THSD4: variants seen among roughly 807,000 people sequenced by gnomAD.
THSD4 encodes thrombospondin type 1 domain containing 4.
A neutral mutation model predicts 119.0 loss-of-function variants in THSD4; 69 were observed. That is an observed-to-expected ratio of 0.58 (90% CI 0.48 to 0.71). The LOEUF (loss-of-function observed/expected upper bound fraction) is 0.71. THSD4 is among the 30% of genes least tolerant of loss of function. The probability of loss-of-function intolerance (pLI) is 0.00; values close to 1 mark genes in which losing one functional copy is unlikely to be tolerated. For missense variants in THSD4, 1,393 were observed against 1,391.1 expected (o/e 1.00, Z -0.02); for synonymous variants, 524 against 540.4 (o/e 0.97, Z 0.42).
chr15:71,135,382 T>A, intron 1 of THSD4, among the ~76,000 whole-genome samples: 2 of 117,890 alleles, frequency 1.7e-5, no homozygotes, highest in African/African-American at 6.6e-5. Flanking sequence ...AAAAGAAACT[T>A]ACTAAATGAC....
At chr15:71,508,418 C>A (rs1226831533) in intron 7 of THSD4, among the ~76,000 whole-genome samples, 3 of 152,216 alleles carry the variant, frequency 2.0e-5, no homozygotes, top group African/African-American at 7.2e-5. Context: ...TTCAGATGGT[C>A]ATGGTTACCT....
intron 7 of THSD4, among the ~76,000 whole-genome samples, chr15:71,593,542 C>A (rs1490868798): frequency 6.6e-6 from 1 of 151,822 alleles, no homozygotes; most frequent in Non-Finnish European, 1.5e-5. Flanking sequence ...TGTGACAAGG[C>A]AGGATGACAG....
At chr15:71,454,657 G>A (rs369580691) in intron 7 of THSD4, among the ~76,000 whole-genome samples, 3 of 152,316 alleles carry the variant, frequency 2.0e-5, no homozygotes, top group East Asian at 3.9e-4. Context: ...AAATGTCCCA[G>A]GAAAAGCACA....
chr15:71,671,311 G>A (rs549513637), intron 8 of THSD4, among the ~76,000 whole-genome samples: 43 of 152,152 alleles, frequency 2.8e-4, no homozygotes, highest in African/African-American at 7.7e-4. Flanking sequence ...CATATCCTTC[G>A]CCCACTTTTT....
intron 12 of THSD4, 49 bp from the exon 13 acceptor site, chr15:71,746,788 CT>C: frequency 5.7e-6 from 9 of 1,592,044 alleles, no homozygotes; most frequent in Non-Finnish European, 7.7e-6. Context: ...CGCTGACTTC[CT>C]GTTGACTGAA....
intron 6 of THSD4, among the ~76,000 whole-genome samples, chr15:71,401,574 T>C (rs893502320): frequency 6.6e-6 from 1 of 152,216 alleles, no homozygotes; most frequent in Non-Finnish European, 1.5e-5. Context: ...ACATTTGTTC[T>C]GTTGAAAATG....
intron 7 of THSD4, among the ~76,000 whole-genome samples, chr15:71,622,630 T>C (rs962737870): frequency 2.0e-5 from 3 of 152,220 alleles, no homozygotes; most frequent in Non-Finnish European, 4.4e-5. Flanking sequence ...CTACTTTTTA[T>C]TACCCTCTTT....
intron 7 of THSD4, among the ~76,000 whole-genome samples, chr15:71,507,916 A>T (rs1394548441): frequency 6.6e-6 from 1 of 152,232 alleles, no homozygotes; most frequent in Non-Finnish European, 1.5e-5. Flanking sequence ...AGATCTTCTA[A>T]TAACTTTTGT....
chr15:71,367,474 C>T (rs946987412), intron 6 of THSD4, among the ~76,000 whole-genome samples: 1 of 152,196 alleles, frequency 6.6e-6, no homozygotes, highest in African/African-American at 2.4e-5. Flanking sequence ...TGATGTTCCC[C>T]TTCCTGTGTC....
At chr15:71,466,616 A>G (rs1003874541) in intron 7 of THSD4, among the ~76,000 whole-genome samples, 65 of 152,158 alleles carry the variant, frequency 4.3e-4, no homozygotes, top group African/African-American at 1.5e-3. Flanking sequence ...TCTTCTTTCC[A>G]TCCCTTGGTA....
chr15:71,642,612 A>C (rs2050882691), intron 7 of THSD4, among the ~76,000 whole-genome samples: 1 of 152,228 alleles, frequency 6.6e-6, no homozygotes, highest in Admixed American at 6.5e-5. Flanking sequence ...ATGGAATACT[A>C]TGCAGCCGTA....
At chr15:71,578,116 G>A (rs1385944869) in intron 7 of THSD4, among the ~76,000 whole-genome samples, 1 of 150,036 alleles carries the variant, frequency 6.7e-6, no homozygotes, top group Non-Finnish European at 1.5e-5. Context: ...GTACATTATC[G>A]ATCTATATAG....
At chr15:71,531,740 G>C (rs772550627) in intron 7 of THSD4, among the ~76,000 whole-genome samples, 5 of 152,206 alleles carry the variant, frequency 3.3e-5, no homozygotes, top group Non-Finnish European at 7.3e-5. Context: ...TGAAATGCAG[G>C]GAGAGGTAAC....
chr15:71,552,130 A>G (rs1267969537), intron 7 of THSD4, among the ~76,000 whole-genome samples: 1 of 152,224 alleles, frequency 6.6e-6, no homozygotes, highest in African/African-American at 2.4e-5. Flanking sequence ...TGTTCTGGAA[A>G]CAATGCATAG....
chr15:71,682,920 CTTT>C lies in THSD4; in HGVS notation c.1357+22203_1357+22205del, dbSNP rs71154794. Reference sequence around the variant, plus strand: ...TCTTTCTTTCTTTCTTCTTCTTCTTCTTTTTTTTTTTTTTTTTTTGAGTCGAGG... The same window carrying C: ...TCTTTCTTTCTTTCTTCTTCTTCTTCTTTTTTTTTTTTTTTTGAGTCGAGG... On this transcript the variant is annotated intron_variant, in intron 8 of 17. Coordinates refer to ENST00000261862, the MANE Select transcript of THSD4 (RefSeq NM_024817.3). Among the ~76,000 whole-genome samples the C allele has an allele frequency of 4.5e-3, 241 of 53,512 alleles. 9 individuals carry two copies. The highest frequency in any genetic ancestry group is 0.015 in the Admixed American group (64 of 4,366). The allele number at this position is 53,512 out of a possible 152,430, so 35.1% of individuals were successfully genotyped here.
At chr15:71,683,902 G>A (rs1055660136) in intron 8 of THSD4, among the ~76,000 whole-genome samples, 2 of 152,132 alleles carry the variant, frequency 1.3e-5, no homozygotes, top group Non-Finnish European at 2.9e-5. Flanking sequence ...TTGAACCCAG[G>A]AGGCAAGGTT....
intron 7 of THSD4, among the ~76,000 whole-genome samples, chr15:71,597,370 C>T (rs567846884): frequency 2.6e-5 from 4 of 152,206 alleles, no homozygotes; most frequent in African/African-American, 4.8e-5. Flanking sequence ...GGTACAGGCA[C>T]GTGCACACAC....
At chr15:71,421,721 G>C (rs903398328) in intron 7 of THSD4, among the ~76,000 whole-genome samples, 1 of 151,974 alleles carries the variant, frequency 6.6e-6, no homozygotes, top group Non-Finnish European at 1.5e-5. Context: ...CCCAGGTTTG[G>C]GGAGTTCTCT....
chr15:71,447,361 CGCCACCTTGGCTT>C (rs2047199758), intron 7 of THSD4, among the ~76,000 whole-genome samples: 1 of 151,862 alleles, frequency 6.6e-6, no homozygotes, highest in Non-Finnish European at 1.5e-5. Flanking sequence ...CCTCGTGATC[CGCCACCTTGGCTT>C]CCCACCTTGG....
Sources: gnomAD v4.1 joint callset for allele counts (sites outside exome capture counted in the v4.1 genomes callset) on GRCh38, gnomAD v4.1.1 for gene constraint, MANE v1.5 for transcripts, NCBI Gene and HGNC (gene_info 2026-07-23, HGNC 2026-07-21) for gene names.